The following GDA variants were observed in gnomAD, a reference collection of about 807,000 sequenced individuals.
GDA encodes the protein guanine deaminase.
In GDA, 18 loss-of-function variants were observed where a neutral mutation model predicts 59.6. That is an observed-to-expected ratio of 0.30 (90% CI 0.21 to 0.45). The LOEUF (loss-of-function observed/expected upper bound fraction) is 0.45. Ranked by LOEUF, GDA falls within the 20% of genes least tolerant of loss-of-function variation. The pLI is 1.00. For missense variants in GDA, 427 were observed against 552.3 expected, an observed-to-expected ratio of 0.77 and a Z score of 2.27; for synonymous variants, 201 against 201.1, an observed-to-expected ratio of 1.00 and a Z score of 0.00.
At chr9:72,183,259 T>C (rs954184256) in intron 1 of GDA, among the ~76,000 whole-genome samples, 2 of 152,166 alleles carry the variant, frequency 1.3e-5, no homozygotes, top group African/African-American at 4.8e-5. Flanking sequence ...ATTACTCCTA[T>C]ATGTAATCAA....
chr9:72,119,363 G>A (rs1825581150), intron 1 of GDA, among the ~76,000 whole-genome samples: 1 of 152,144 alleles, frequency 6.6e-6, no homozygotes, highest in South Asian at 2.1e-4. Flanking sequence ...AAATTAGCTG[G>A]ATGTGGTGGC....
chr9:72,256,281 C>T (rs530380009), downstream of GDA, among the ~76,000 whole-genome samples: 1 of 152,208 alleles, frequency 6.6e-6, no homozygotes, highest in South Asian at 2.1e-4. Context: ...AAATTTTAAT[C>T]AACATTCATT....
intron 1 of GDA, 89 bp from the exon 2 acceptor site, chr9:72,195,411 C>A: frequency 1.2e-5 from 4 of 338,136 alleles, no homozygotes; most frequent in East Asian, 6.8e-5. Flanking sequence ...GCTATAGTCT[C>A]TTTTAAGAAT....
At chr9:72,222,595 T>G (rs1837029766) in intron 6 of GDA, among the ~76,000 whole-genome samples, 1 of 152,228 alleles carries the variant, frequency 6.6e-6, no homozygotes, top group Non-Finnish European at 1.5e-5. Context: ...ATTTTTACTT[T>G]TGTTGCAATT....
intron 1 of GDA, among the ~76,000 whole-genome samples, chr9:72,143,348 C>T (rs906303144): frequency 3.3e-5 from 5 of 151,776 alleles, no homozygotes; most frequent in African/African-American, 9.7e-5. Flanking sequence ...AGCCTGGTCT[C>T]GAACTCCTGA....
In GDA at chr9:72,250,926, G is replaced by A; in HGVS notation, c.*2584G>A. On this transcript the variant is annotated 3_prime_UTR_variant, in exon 14 of 14. Transcript: ENST00000358399. ...ACACAAAAGCAGGCTAGTCAGCTAAGGTAAATTTCATTTTCAAACGAGAGG... is the reference window on the plus strand; with the variant it reads ...ACACAAAAGCAGGCTAGTCAGCTAAAGTAAATTTCATTTTCAAACGAGAGG... 1 of 1,144,932 alleles carries A rather than the reference G, an allele frequency of 8.7e-7. No homozygotes were observed. The highest frequency in any genetic ancestry group is 1.3e-5 in the South Asian group (1 of 76,712). 70.9% of individuals were successfully genotyped at this position (1,144,932 alleles called of 1,614,324 possible). A position where few individuals can be genotyped will look rare whatever the true frequency, so the allele number is the denominator to read the frequency against.
intron 1 of GDA, among the ~76,000 whole-genome samples, chr9:72,183,240 T>C (rs976755797): frequency 3.3e-5 from 5 of 152,164 alleles, no homozygotes; most frequent in Non-Finnish European, 7.3e-5. Context: ...TAAATATATG[T>C]AAATATATAT....
intron 3 of GDA, among the ~76,000 whole-genome samples, chr9:72,206,712 G>A (rs1441507278): frequency 6.6e-6 from 1 of 152,064 alleles, no homozygotes; most frequent in African/African-American, 2.4e-5. Flanking sequence ...GGTGGAGGTT[G>A]CAGTGAGCCA....
intron 1 of GDA, among the ~76,000 whole-genome samples, chr9:72,137,430 G>A (rs973892318): frequency 3.3e-5 from 5 of 151,708 alleles, no homozygotes; most frequent in African/African-American, 1.2e-4. Flanking sequence ...TGTATTTTTA[G>A]TAGAGATGGG....
Position 72,160,319 on chromosome 9 carries a change from A to C in GDA, c.123+10637A>C, listed in dbSNP as rs78911697. Among the ~76,000 whole-genome samples, 1,024 of 152,068 alleles carry C rather than the reference A, an allele frequency of 6.7e-3. 17 individuals are homozygous for C. Among genetic ancestry groups the C allele is most frequent in the African/African-American group, 0.024 (987 of 41,388 alleles). Reference sequence around the variant, plus strand: ...ACGAGACTCTGTCTCAAACAAAATAAAACAAAACAAATATATATATATATT... The same window carrying C: ...ACGAGACTCTGTCTCAAACAAAATACAACAAAACAAATATATATATATATT... On this transcript the variant is annotated intron_variant, in intron 1 of 13. Transcript: ENST00000358399.
chr9:72,190,301 A>G (rs1832375027), intron 1 of GDA, among the ~76,000 whole-genome samples: 1 of 151,858 alleles, frequency 6.6e-6, no homozygotes, highest in African/African-American at 2.4e-5. Context: ...TAATTTTTGT[A>G]TTTTTAGTAG....
intron 1 of GDA, among the ~76,000 whole-genome samples, chr9:72,158,464 G>C (rs757917612): frequency 4.9e-4 from 75 of 151,954 alleles, no homozygotes; most frequent in Non-Finnish European, 8.1e-4. Flanking sequence ...GTGGTGGCAG[G>C]CGCCTATAGT....
At chr9:72,210,063 A>G (rs1235937996) in intron 3 of GDA, among the ~76,000 whole-genome samples, 1 of 152,174 alleles carries the variant, frequency 6.6e-6, no homozygotes, top group East Asian at 1.9e-4. Flanking sequence ...CCAGGGTTTA[A>G]TCATACCTGC....
upstream of GDA, among the ~76,000 whole-genome samples, chr9:72,148,515 T>G (rs2130683428): frequency 6.6e-6 from 1 of 152,238 alleles, no homozygotes; most frequent in South Asian, 2.1e-4. Flanking sequence ...GCCTGACATT[T>G]GAGACAAATC....
At chr9:72,148,086 C>T (rs1458709419), upstream of GDA, among the ~76,000 whole-genome samples, 1 of 152,152 alleles carries the variant, frequency 6.6e-6, no homozygotes, top group African/African-American at 2.4e-5. Context: ...TAAGCCAGCC[C>T]TGTGTCTTAA....
At chr9:72,118,878 C>T (rs1479874428) in intron 1 of GDA, among the ~76,000 whole-genome samples, 1 of 152,152 alleles carries the variant, frequency 6.6e-6, no homozygotes, top group African/African-American at 2.4e-5. Flanking sequence ...CTTTCCTACG[C>T]CTCAGGATCA....
chr9:72,186,420 T>C (rs757432422), intron 1 of GDA, among the ~76,000 whole-genome samples: 1 of 152,148 alleles, frequency 6.6e-6, no homozygotes, highest in Non-Finnish European at 1.5e-5. Context: ...AATGTCTAAG[T>C]GGTTCACTCT....
intron 4 of GDA, among the ~76,000 whole-genome samples, chr9:72,213,161 A>G (rs1835600470): frequency 6.6e-6 from 1 of 152,090 alleles, no homozygotes; most frequent in Non-Finnish European, 1.5e-5. Flanking sequence ...CAAGCTACTC[A>G]GGAGGCTGAA....
At chr9:72,237,021 C>G (rs1466252566) in intron 10 of GDA, among the ~76,000 whole-genome samples, 1 of 152,110 alleles carries the variant, frequency 6.6e-6, no homozygotes, top group African/African-American at 2.4e-5. Flanking sequence ...CTCAGGTAAT[C>G]CACCTGCCTT....
Sources: gnomAD v4.1 joint callset for allele counts (sites outside exome capture counted in the v4.1 genomes callset) on GRCh38, gnomAD v4.1.1 for gene constraint, MANE v1.5 for transcripts, NCBI Gene and HGNC (gene_info 2026-07-23, HGNC 2026-07-21) for gene names.